Variants in ENO1 observed in about 807,000 individuals in gnomAD.
ENO1 encodes the protein alpha-enolase.
In ENO1, 33 loss-of-function variants were observed where a neutral mutation model predicts 46.3. That is an observed-to-expected ratio of 0.71 (90% CI 0.54 to 0.95). The LOEUF is 0.95. Ranked by LOEUF, ENO1 falls within the 40% of genes least tolerant of loss-of-function variation. The pLI, the probability that ENO1 is intolerant of heterozygous loss-of-function variation, is 0.00. For synonymous variants in ENO1, 220 were observed against 216.0 expected, an observed-to-expected ratio of 1.02 and a Z score of -0.16; for missense variants, 488 against 553.3, an observed-to-expected ratio of 0.88 and a Z score of 1.18.
At chr1:8,868,849 T>TA (rs1491343992) in intron 4 of ENO1, among the ~76,000 whole-genome samples, 30 of 57,658 alleles carry the variant, frequency 5.2e-4, no homozygotes, top group South Asian at 1.9e-3. Flanking sequence ...AATTTTTATA[T>TA]TTTTTTTTTA....
chr1:8,874,290 G>C (rs1642690847), intron 2 of ENO1, among the ~76,000 whole-genome samples: 1 of 152,120 alleles, frequency 6.6e-6, no homozygotes, highest in Admixed American at 6.6e-5. Context: ...GGAGCTGGCA[G>C]GATCAGGCGG....
chr1:8,867,455 T>C (rs556109901), intron 5 of ENO1, among the ~76,000 whole-genome samples: 2 of 152,316 alleles, frequency 1.3e-5, no homozygotes, highest in South Asian at 2.1e-4. Flanking sequence ...CAGCCAACAG[T>C]AGGAATTGCT....
At position 8,868,076 on chromosome 1, in the gene ENO1, A is replaced by T. The variant is rs1242865034; in HGVS notation, c.241-19T>A. ...TCAGTTTCTACGAGGGAGAGGGGAG[A>T]ATGAGGGGTTGGGGCCACTCTTATC... On this transcript the variant is annotated intron_variant, in intron 4 of 11. Transcript: ENST00000234590. 1 of 1,601,148 alleles carries T rather than the reference A, an allele frequency of 6.2e-7. No homozygotes were observed. The highest frequency in any genetic ancestry group is 2.2e-5 in the East Asian group (1 of 44,744).
chr1:8,877,181 T>C (rs938060660), intron 1 of ENO1, among the ~76,000 whole-genome samples: 54 of 152,034 alleles, frequency 3.6e-4, no homozygotes, highest in Non-Finnish European at 7.1e-4. Flanking sequence ...CTCGATCTCC[T>C]GACCTCGTGA....
Position 8,866,327 on chromosome 1 carries a change from C to A in ENO1, c.619G>T (p.Val207Leu), listed in dbSNP as rs1253918735. 4.3e-6 allele frequency: 7 copies of A among 1,614,140 alleles called. No homozygotes were observed. The highest frequency in any genetic ancestry group is 5.9e-6 in the Non-Finnish European group (7 of 1,180,038). Residue 207 changes from valine (V) to leucine (L), a missense_variant, in exon 7 of 12, where the codon GTG becomes TTG. Physicochemically the swap from Val to Leu is conservative, Grantham distance 32. Coordinates refer to ENST00000234590, the MANE Select transcript of ENO1 (RefSeq NM_001428.5). ...KEKYGKDATNVGDEGGFAPNI... is the reference protein window; with the variant it reads ...KEKYGKDATNLGDEGGFAPNI... ...GGAGCAAACCCGCCTTCATCCCCCA[C>A]ATTGGTGGCATCTTTCCCATATTTC...
chr1:8,866,079 A>C (rs1165959574), intron 7 of ENO1, 200 bp downstream of exon 7: 22 of 349,828 alleles, frequency 6.3e-5, no homozygotes, highest in Non-Finnish European at 1.1e-4. Flanking sequence ...TCCATCTCAA[A>C]AAAAAAAAAA....
rs1023030986 is a variant in ENO1 at position 8,863,786 on chromosome 1, C to A, written c.1067+105G>T. The stretch of plus-strand genomic sequence containing the variant: ...AAAACCTGTTAAAATTCCAGCGAGT[C>A]CTACATTCTGGCCAGCAGGATTCCC... On this transcript the variant is annotated intron_variant, in intron 9 of 11. Transcript: ENST00000234590. 4 of 1,293,584 alleles carry A rather than the reference C, an allele frequency of 3.1e-6. No individual in the cohort carries two copies. The African/African-American group carries it at 5.9e-5, about 19-fold the overall frequency. The allele number at this position is 1,293,584 out of a possible 1,614,324, so 80.1% of individuals were successfully genotyped here. A position where few individuals can be genotyped will look rare whatever the true frequency, so the allele number is the denominator to read the frequency against.
intron 3 of ENO1, 186 bp downstream of exon 3, chr1:8,871,704 CG>C (rs1557585536): frequency 1.5e-6 from 2 of 1,306,590 alleles, no homozygotes; most frequent in African/African-American, 3.0e-5. Flanking sequence ...TCGGGAACCC[CG>C]GAATCCACAC....
chr1:8,867,893 A>T (rs1642556657), intron 5 of ENO1, 95 bp downstream of exon 5: 3 of 1,079,454 alleles, frequency 2.8e-6, no homozygotes, highest in Non-Finnish European at 4.2e-6. Context: ...CATGTAGCTC[A>T]TCACTAAGAT....
intron 1 of ENO1, among the ~76,000 whole-genome samples, chr1:8,876,610 A>AGTCTTGGCC (rs1642737624): frequency 6.6e-6 from 1 of 152,106 alleles, no homozygotes; most frequent in Non-Finnish European, 1.5e-5. Flanking sequence ...GACGAAAGAA[A>AGTCTTGGCC]GTCTTGGCCG....
intron 11 of ENO1, among the ~76,000 whole-genome samples, chr1:8,862,064 C>T (rs1227434895): frequency 6.6e-6 from 1 of 152,000 alleles, no homozygotes; most frequent in Admixed American, 6.6e-5. Context: ...AGGAGAATTG[C>T]TTGAATCTGG....
intron 2 of ENO1, 67 bp downstream of exon 2, chr1:8,874,756 AT>A: frequency 1.4e-6 from 2 of 1,421,188 alleles, no homozygotes; most frequent in Non-Finnish European, 1.9e-6. Flanking sequence ...AGGCTCCAGC[AT>A]TTGTAGAAAA....
intron 6 of ENO1, among the ~76,000 whole-genome samples, chr1:8,866,840 T>C (rs1379070835): frequency 6.6e-6 from 1 of 152,180 alleles, no homozygotes; most frequent in Non-Finnish European, 1.5e-5. Context: ...TGCAAATTCA[T>C]CATCACCAGG....
intron 1 of ENO1, 46 bp from the exon 2 acceptor site, chr1:8,874,963 T>G: frequency 6.6e-7 from 1 of 1,505,186 alleles, no homozygotes; most frequent in Non-Finnish European, 9.2e-7. Context: ...GCCATAATGC[T>G]GCATTTCCTC....
intron 9 of ENO1, 44 bp from the exon 10 acceptor site, chr1:8,863,387 G>C: frequency 6.3e-7 from 1 of 1,576,338 alleles, no homozygotes; most frequent in Non-Finnish European, 8.6e-7. Flanking sequence ...CCCATTTTCT[G>C]GTTCCATAAC....
At chr1:8,874,386 G>A (rs1642692597) in intron 2 of ENO1, among the ~76,000 whole-genome samples, 1 of 151,880 alleles carries the variant, frequency 6.6e-6, no homozygotes, top group Admixed American at 6.6e-5. Context: ...AGACCAGCCT[G>A]ACCAATATGG....
intron 1 of ENO1, 176 bp downstream of exon 1, chr1:8,878,397 CGCCCCGG>C (rs1339474854): frequency 3.1e-6 from 1 of 318,670 alleles, no homozygotes; most frequent in African/African-American, 2.3e-5. Flanking sequence ...ATTGCGCCCC[CGCCCCGG>C]GCCTCGGGGT....
At position 8,861,242 on chromosome 1, in the gene ENO1, G is replaced by T; in HGVS notation, c.*118C>A. 9.8e-7 allele frequency: 1 copy of T among 1,024,662 alleles called. No homozygotes were observed. Among genetic ancestry groups the T allele is most frequent in the Non-Finnish European group, 1.5e-6 (1 of 677,474 alleles). The allele number at this position is 1,024,662 out of a possible 1,614,324, so 63.5% of individuals were successfully genotyped here. A position where few individuals can be genotyped will look rare whatever the true frequency, so the allele number is the denominator to read the frequency against. ...GCGGTACGAACTCCACGGCGGTGGG[G>T]CGCTAACTAGCAGGGACCCCTGCAA... On this transcript the variant is annotated 3_prime_UTR_variant, in exon 12 of 12. Coordinates refer to ENST00000234590, the MANE Select transcript of ENO1 (RefSeq NM_001428.5).
intron 4 of ENO1, among the ~76,000 whole-genome samples, chr1:8,869,223 G>C (rs1642582131): frequency 6.8e-6 from 1 of 147,374 alleles, no homozygotes; most frequent in Non-Finnish European, 1.5e-5. Flanking sequence ...GTTTCTCTAG[G>C]GGGTTAAAAA....
Sources: gnomAD v4.1 joint callset for allele counts (sites outside exome capture counted in the v4.1 genomes callset) on GRCh38, gnomAD v4.1.1 for gene constraint, MANE v1.5 for transcripts, NCBI Gene and HGNC (gene_info 2026-07-23, HGNC 2026-07-21) for gene names.